The following PRKCZ variants were observed in gnomAD, a reference collection of about 807,000 sequenced individuals.
The protein encoded by PRKCZ is protein kinase C zeta type.
Under a neutral mutation model 79.5 loss-of-function variants are expected in PRKCZ, and 33 were observed. The observed-to-expected ratio is 0.41, with a 90% CI of 0.31 to 0.55. PRKCZ has a LOEUF of 0.55. Among genes scored for constraint, PRKCZ ranks in the 20% least tolerant of loss-of-function variants. The pLI is 0.19. For missense variants in PRKCZ, 578 were observed against 813.5 expected (o/e 0.71, Z 3.52); for synonymous variants, 342 against 320.9 (o/e 1.07, Z -0.70).
intron 4 of PRKCZ, among the ~76,000 whole-genome samples, chr1:2,066,745 G>A (rs1432630182): frequency 6.6e-6 from 1 of 152,100 alleles, no homozygotes; most frequent in Non-Finnish European, 1.5e-5. Flanking sequence ...GATCTTTCTT[G>A]TTTTTTTATT....
rs944811455 is a variant in PRKCZ at position 2,082,692 on chromosome 1, C to T, written c.334+23101C>T. On this transcript the variant is annotated intron_variant, in intron 4 of 17. Coordinates refer to ENST00000378567, the MANE Select transcript of PRKCZ (RefSeq NM_002744.6). The surrounding 1 kb of genome is among the most constrained non-coding windows in gnomAD (Gnocchi z 4.4). ...GTCGGCTTCTGAGAGTTGGTCCCCC[C>T]GCCCAACCCTCCCCTGGAGATGGGA... Among the ~76,000 whole-genome samples the T allele has an allele frequency of 3.3e-5, 5 of 152,120 alleles. No individual in the cohort carries two copies. The highest frequency in any genetic ancestry group is 1.3e-4 in the Admixed American group (2 of 15,264).
chr1:2,085,992 TGAAAG>T (rs1372144057), intron 4 of PRKCZ, among the ~76,000 whole-genome samples: 1 of 152,120 alleles, frequency 6.6e-6, no homozygotes, highest in Non-Finnish European at 1.5e-5. Context: ...CCCTCCCTGT[TGAAAG>T]GAATCTTGAT....
chr1:2,126,897 C>T (rs1043976432), intron 4 of PRKCZ, among the ~76,000 whole-genome samples: 1 of 152,256 alleles, frequency 6.6e-6, no homozygotes, highest in Non-Finnish European at 1.5e-5. Context: ...CACTGACACC[C>T]TGATACCCAT....
intron 4 of PRKCZ, among the ~76,000 whole-genome samples, chr1:2,078,475 T>G (rs1288072351): frequency 6.6e-6 from 1 of 152,236 alleles, no homozygotes; most frequent in African/African-American, 2.4e-5. Flanking sequence ...CCTGAAAGTC[T>G]TGTAGAATCT....
At chr1:2,122,881 G>A (rs1333219048) in intron 4 of PRKCZ, among the ~76,000 whole-genome samples, 1 of 35,106 alleles carries the variant, frequency 2.8e-5, no homozygotes, top group Non-Finnish European at 5.0e-5. Flanking sequence ...GGTCACGGTG[G>A]TGGTTAGGGT....
intron 4 of PRKCZ, among the ~76,000 whole-genome samples, chr1:2,063,750 T>TA (rs1309942856): frequency 6.6e-6 from 1 of 152,196 alleles, no homozygotes; most frequent in African/African-American, 2.4e-5. Flanking sequence ...GACAGTATCT[T>TA]ATGGGCGTGA....
At chr1:2,073,950 C>T in intron 4 of PRKCZ, 2 of 1,367,588 alleles carry the variant, frequency 1.5e-6, no homozygotes, top group Non-Finnish European at 9.5e-7. Context: ...GGCATCTCCC[C>T]CGTGGATTTT....
At chr1:2,050,819 G>A (rs900041772) in intron 1 of PRKCZ, 118 bp downstream of exon 1, 4 of 636,482 alleles carry the variant, frequency 6.3e-6, no homozygotes, top group Admixed American at 9.0e-5. Flanking sequence ...GTCGCTGCGG[G>A]CCCGGGGCTG....
chr1:2,051,478 G>A (rs1428852490), intron 1 of PRKCZ, among the ~76,000 whole-genome samples: 1 of 152,218 alleles, frequency 6.6e-6, no homozygotes, highest in Non-Finnish European at 1.5e-5. Context: ...CCACCTGTGC[G>A]CGTCTCCAGG....
chr1:2,064,068 A>G (rs1186154397), intron 4 of PRKCZ, among the ~76,000 whole-genome samples: 1 of 152,018 alleles, frequency 6.6e-6, no homozygotes, highest in African/African-American at 2.4e-5. Flanking sequence ...GTTAGTCTTG[A>G]ACTCCCGACC....
At chr1:2,071,391 CGACCGCCTGTGGAACAGTGGG>C in intron 4 of PRKCZ, 1 of 432,846 alleles carries the variant, frequency 2.3e-6, no homozygotes, top group South Asian at 1.6e-5. Flanking sequence ...TGGGGCTGCG[CGACCGCCTGTGGAACAGTGGG>C]GACGCTGCTG....
At chr1:2,074,051 G>A (rs554412040) in intron 4 of PRKCZ, 12 of 1,446,754 alleles carry the variant, frequency 8.3e-6, no homozygotes, top group Admixed American at 5.0e-5. Context: ...GAGTCCCGGC[G>A]TTGCCGCTGC....
chr1:2,053,994 C>A (rs1659927177), intron 1 of PRKCZ, among the ~76,000 whole-genome samples: 1 of 152,242 alleles, frequency 6.6e-6, no homozygotes, highest in East Asian at 1.9e-4. Context: ...TCCCCCAGGC[C>A]CAGGTGGCCC....
At chr1:2,133,594 C>T (rs942935637) in intron 4 of PRKCZ, 4 of 150,766 alleles carry the variant, frequency 2.7e-5, no homozygotes, top group African/African-American at 7.4e-5. Flanking sequence ...TTTGACTCCG[C>T]CCCCGGCTGT....
At position 2,168,653 on chromosome 1, in the gene PRKCZ, G is replaced by A. The variant is rs1370307396; in HGVS notation, c.975-865G>A. On this transcript the variant is annotated intron_variant, in intron 10 of 17. Transcript: ENST00000378567. This position sits in a 1 kb window ranked among gnomAD's most constrained non-coding sequence, Gnocchi z 4.7. ...GGTGCCTTGAGGCGTAACAGTGGCGGTGGTGTGGGAGCTTGCGTGGGATCG... is the reference window on the plus strand; with the variant it reads ...GGTGCCTTGAGGCGTAACAGTGGCGATGGTGTGGGAGCTTGCGTGGGATCG... 6.6e-6 allele frequency among the ~76,000 whole-genome samples: 1 copy of A among 152,146 alleles called. No individual in the cohort carries two copies. The highest frequency in any genetic ancestry group is 6.5e-5 in the Admixed American group (1 of 15,274).
Position 2,168,570 on chromosome 1 carries a change from T to C in PRKCZ, c.975-948T>C, listed in dbSNP as rs540962621. ...GCCAGTTCACCTGCCCTGTGTAAAC[T>C]GGCCTCTGTCCTCTCTGGCTTAATT... On this transcript the variant is annotated intron_variant, in intron 10 of 17. Transcript: ENST00000378567. The surrounding 1 kb of genome is among the most constrained non-coding windows in gnomAD (Gnocchi z 4.7). 1.1e-4 allele frequency among the ~76,000 whole-genome samples: 17 copies of C among 152,326 alleles called. No individual in the cohort carries two copies. Among genetic ancestry groups the C allele is most frequent in the African/African-American group, 4.1e-4 (17 of 41,572 alleles).
At chr1:2,108,616 G>T (rs1045294392) in intron 4 of PRKCZ, among the ~76,000 whole-genome samples, 3 of 152,216 alleles carry the variant, frequency 2.0e-5, no homozygotes, top group Non-Finnish European at 4.4e-5. Context: ...TCTCTCTCCA[G>T]CCATGTCCCC....
In PRKCZ at chr1:2,059,572, G is replaced by A. The variant is rs1222202547; in HGVS notation, c.315G>A (p.Leu105=). 1.2e-6 allele frequency: 2 copies of A among 1,614,104 alleles called. No homozygotes were observed. Among genetic ancestry groups the A allele is most frequent in the Middle Eastern group, 1.6e-4 (1 of 6,084 alleles). ...CGAGCACCCCTGAGCAGCCTGGCCT[G>A]CCATGTCCGGGAGAAGACAGTGAGT... ...VFPSTPEQPG[L]PCPGEDKSIY... is the part of the protein sequence containing the mutation. Residue 105 remains leucine (L), a synonymous_variant, in exon 4 of 18, where the codon CTG becomes CTA. Coordinates refer to ENST00000378567, the MANE Select transcript of PRKCZ (RefSeq NM_002744.6).
chr1:2,121,163 C>G (rs921647471), intron 4 of PRKCZ, among the ~76,000 whole-genome samples: 1 of 152,188 alleles, frequency 6.6e-6, no homozygotes, highest in Non-Finnish European at 1.5e-5. Flanking sequence ...GTCCTTCTCA[C>G]GTGCAAAATA....
Sources: gnomAD v4.1 joint callset for allele counts (sites outside exome capture counted in the v4.1 genomes callset) on GRCh38, gnomAD v4.1.1 for gene constraint, Gnocchi (gnomAD v3.1) non-coding constraint, MANE v1.5 for transcripts, NCBI Gene and HGNC (gene_info 2026-07-23, HGNC 2026-07-21) for gene names.